Variants in BICC1 observed in about 807,000 individuals in gnomAD.
BICC1 encodes BicC family RNA binding protein 1.
In BICC1, 43 loss-of-function variants were observed where a neutral mutation model predicts 111.0. The ratio of observed to expected loss-of-function variants is 0.39; its 90% confidence interval spans 0.30 to 0.50. The LOEUF is 0.50. Among genes scored for constraint, BICC1 ranks in the 20% least tolerant of loss-of-function variants. The pLI, the probability that BICC1 is intolerant of heterozygous loss-of-function variation, is 0.88. For missense variants in BICC1, 1,091 were observed against 1,203.2 expected, an observed-to-expected ratio of 0.91 and a Z score of 1.38; for synonymous variants, 467 against 434.4, an observed-to-expected ratio of 1.07 and a Z score of -0.93.
chr10:58,585,035 A>G (rs1207382129), intron 1 of BICC1, among the ~76,000 whole-genome samples: 1 of 152,172 alleles, frequency 6.6e-6, no homozygotes, highest in Non-Finnish European at 1.5e-5. Flanking sequence ...TCTAATTTAC[A>G]ATTATACCTG....
chr10:58,725,981 T>G (rs1029470107), intron 3 of BICC1, among the ~76,000 whole-genome samples: 1 of 152,242 alleles, frequency 6.6e-6, no homozygotes, highest in African/African-American at 2.4e-5. Flanking sequence ...ACTTTAATGT[T>G]GATTGTTAAG....
Position 58,745,412 on chromosome 10 carries a change from A to G in BICC1, c.308-39589A>G, listed in dbSNP as rs192670572. ...CAGAAATATCTAGTGTTAGTTTTCT[A>G]TTGCTCTAACAACTGACCACAAACT... On this transcript the variant is annotated intron_variant, in intron 3 of 20. Coordinates refer to ENST00000373886, the MANE Select transcript of BICC1 (RefSeq NM_001080512.3). Among the ~76,000 whole-genome samples the G allele has an allele frequency of 3.4e-4, 51 of 152,236 alleles. 1 individual carries two copies. Among genetic ancestry groups the G allele is most frequent in the Non-Finnish European group, 6.8e-4 (46 of 68,018 alleles).
chr10:58,826,079 C>T (rs922969357), intron 20 of BICC1, among the ~76,000 whole-genome samples: 5 of 151,800 alleles, frequency 3.3e-5, no homozygotes, highest in Non-Finnish European at 7.4e-5. Context: ...TGCAAAATAC[C>T]TTTTTTATCT....
At chr10:58,539,451 T>C (rs1564477700) in intron 1 of BICC1, among the ~76,000 whole-genome samples, 1 of 151,572 alleles carries the variant, frequency 6.6e-6, no homozygotes, top group Non-Finnish European at 1.5e-5. Flanking sequence ...GTTCAGGTGG[T>C]GGGTGCACTA....
chr10:58,513,797 T>C (rs964274932), intron 1 of BICC1, among the ~76,000 whole-genome samples: 1 of 152,214 alleles, frequency 6.6e-6, no homozygotes, highest in Admixed American at 6.5e-5. Context: ...AGGGGCCTTG[T>C]CTCACTATTG....
rs1324691112 is a variant in BICC1, at chr10:58,693,183, C to T, written c.238-8891C>T. 9.9e-5 allele frequency among the ~76,000 whole-genome samples: 15 copies of T among 152,282 alleles called. No homozygotes were observed. The South Asian group carries it at 1.7e-3, about 17-fold the overall frequency. On this transcript the variant is annotated intron_variant, in intron 2 of 20. Transcript: ENST00000373886. ...GTTTCATCCATGTCCCTACAAAGGACGTGAACTCATCATTTTTTATGGCTG... is the reference window on the plus strand; with the variant it reads ...GTTTCATCCATGTCCCTACAAAGGATGTGAACTCATCATTTTTTATGGCTG...
At chr10:58,633,054 C>T (rs566849468) in intron 2 of BICC1, among the ~76,000 whole-genome samples, 23 of 152,246 alleles carry the variant, frequency 1.5e-4, no homozygotes, top group African/African-American at 4.6e-4. Context: ...ATAATCCCCA[C>T]GTGTCAAGGG....
At chr10:58,684,725 C>T (rs1025084267) in intron 2 of BICC1, among the ~76,000 whole-genome samples, 1 of 152,028 alleles carries the variant, frequency 6.6e-6, no homozygotes, top group African/African-American at 2.4e-5. Flanking sequence ...GGTGATATCC[C>T]CTTTATCATT....
intron 3 of BICC1, among the ~76,000 whole-genome samples, chr10:58,752,948 G>C (rs1332572591): frequency 6.6e-6 from 1 of 151,960 alleles, no homozygotes; most frequent in Non-Finnish European, 1.5e-5. Flanking sequence ...AGCTGTGCTG[G>C]CTTTCTTTAT....
At chr10:58,742,573 G>A (rs150330316) in intron 3 of BICC1, among the ~76,000 whole-genome samples, 3,680 of 151,952 alleles carry the variant, frequency 0.024, 56 homozygotes, top group Non-Finnish European at 0.035. Flanking sequence ...AAGTAGCTGG[G>A]ATTACAGGTG....
intron 17 of BICC1, among the ~76,000 whole-genome samples, chr10:58,808,075 C>CT (rs112775737): frequency 0.22 from 30,855 of 142,610 alleles, 4,418 homozygotes; most frequent in African/African-American, 0.41. Context: ...AAACATGCTG[C>CT]TTTTTTTTTT....
chr10:58,614,327 A>C (rs11006205), intron 1 of BICC1, among the ~76,000 whole-genome samples: 15,013 of 152,176 alleles, frequency 0.099, 785 homozygotes, highest in South Asian at 0.12. Context: ...CACCGTTTGC[A>C]CCTGAGACCA....
At chr10:58,543,311 C>T (rs915890391) in intron 1 of BICC1, among the ~76,000 whole-genome samples, 3 of 152,038 alleles carry the variant, frequency 2.0e-5, no homozygotes, top group African/African-American at 7.2e-5. Flanking sequence ...CTAAAATAGC[C>T]ATACTCTTAG....
chr10:58,823,619 C>T, intron 20 of BICC1: 1 of 985,250 alleles, frequency 1.0e-6, no homozygotes, highest in Non-Finnish European at 1.2e-6. Context: ...CAGTTGTTGT[C>T]ATGTGCTCAG....
chr10:58,815,713 TTAAG>T (rs1314583428), intron 18 of BICC1, among the ~76,000 whole-genome samples: 1 of 152,120 alleles, frequency 6.6e-6, no homozygotes, highest in Non-Finnish European at 1.5e-5. Flanking sequence ...AAAAAAAAAT[TTAAG>T]TAAAAGTACG....
At position 58,560,961 on chromosome 10, in the gene BICC1, A is replaced by G. The variant is rs1014099588; in HGVS notation, c.190+47628A>G. ...TTGTTTTTGGGTTATTATCTGGTCTATCCTGGAGAATTCTCCATGTGCTCA... is the reference window on the plus strand; with the variant it reads ...TTGTTTTTGGGTTATTATCTGGTCTGTCCTGGAGAATTCTCCATGTGCTCA... On this transcript the variant is annotated intron_variant, in intron 1 of 20. Transcript: ENST00000373886. Among the ~76,000 whole-genome samples, 31 of 152,038 alleles carry G rather than the reference A, an allele frequency of 2.0e-4. 1 individual carries two copies. The highest frequency in any genetic ancestry group is 7.5e-4 in the African/African-American group (31 of 41,426).
upstream of BICC1, among the ~76,000 whole-genome samples, chr10:58,512,385 A>G (rs1322311162): frequency 6.6e-6 from 1 of 152,112 alleles, no homozygotes; most frequent in African/African-American, 2.4e-5. Context: ...AGCTTGTGGA[A>G]CCAACTGGGG....
intron 3 of BICC1, among the ~76,000 whole-genome samples, chr10:58,739,358 G>T (rs555559061): frequency 1.3e-5 from 2 of 152,026 alleles, no homozygotes; most frequent in East Asian, 1.9e-4. Context: ...TTTTGTCTTT[G>T]GTTCTGTTTA....
chr10:58,612,839 A>T (rs1421506936), intron 1 of BICC1, among the ~76,000 whole-genome samples: 1 of 152,200 alleles, frequency 6.6e-6, no homozygotes, highest in African/African-American at 2.4e-5. Context: ...TTATAATAGA[A>T]AAGCATTTCA....
Sources: allele counts gnomAD v4.1 joint callset (sites outside exome capture counted in the v4.1 genomes callset), GRCh38; gene constraint gnomAD v4.1.1; transcripts MANE v1.5; gene names NCBI Gene and HGNC (gene_info 2026-07-23, HGNC 2026-07-21).